The following LINGO2 variants were observed in gnomAD, a reference collection of about 807,000 sequenced individuals.
The protein encoded by LINGO2 is leucine rich repeat and Ig domain containing 2, also known as leucine-rich repeat and immunoglobulin-like domain-containing nogo receptor-interacting protein 2.
Under a neutral mutation model 30.6 loss-of-function variants are expected in LINGO2, and 14 were observed. The ratio of observed to expected loss-of-function variants is 0.46; its 90% CI spans 0.30 to 0.72. The LOEUF is 0.72. Among genes scored for constraint, LINGO2 ranks in the 30% least tolerant of loss-of-function variants. The probability of loss-of-function intolerance (pLI) is 0.07; values close to 1 mark genes in which losing one functional copy is unlikely to be tolerated. For synonymous variants in LINGO2, 317 were observed against 288.5 expected, an observed-to-expected ratio of 1.10 and a Z score of -1.00; for missense variants, 729 against 751.7, an observed-to-expected ratio of 0.97 and a Z score of 0.35.
intron 1 of LINGO2, among the ~76,000 whole-genome samples, chr9:28,481,097 C>T (rs907312279): frequency 9.2e-5 from 2 of 21,742 alleles, no homozygotes; most frequent in African/African-American, 2.3e-4. Flanking sequence ...GCATGGAGCC[C>T]CATTTCTAAC....
chr9:28,743,856 T>C, the LINGO2 span, among the ~76,000 whole-genome samples: 2 of 151,832 alleles, frequency 1.3e-5, no homozygotes, highest in Non-Finnish European at 2.9e-5. Context: ...AATAAGATTT[T>C]TCATCAAATT....
intron 1 of LINGO2, among the ~76,000 whole-genome samples, chr9:28,527,895 G>T (rs547903697): frequency 6.6e-6 from 1 of 152,136 alleles, no homozygotes; most frequent in Non-Finnish European, 1.5e-5. Context: ...ACAAACAAAA[G>T]ATCTTATATA....
the LINGO2 span, among the ~76,000 whole-genome samples, chr9:29,162,776 C>A: frequency 6.6e-6 from 1 of 152,004 alleles, no homozygotes; most frequent in African/African-American, 2.4e-5. Context: ...CAAATCAAAT[C>A]AAAATGTAGA....
chr9:28,144,034 T>C (rs973328760), intron 4 of LINGO2, among the ~76,000 whole-genome samples: 1 of 152,088 alleles, frequency 6.6e-6, no homozygotes, highest in African/African-American at 2.4e-5. Flanking sequence ...ATATATTGAA[T>C]GGTAGATATT....
the LINGO2 span, among the ~76,000 whole-genome samples, chr9:29,198,735 C>CTA: frequency 6.6e-6 from 1 of 152,002 alleles, no homozygotes; most frequent in Non-Finnish European, 1.5e-5. Flanking sequence ...TTCCTGAAGA[C>CTA]TAAAGAGGGC....
At chr9:29,188,967 C>A in the LINGO2 span, among the ~76,000 whole-genome samples, 2 of 149,180 alleles carry the variant, frequency 1.3e-5, no homozygotes, top group East Asian at 4.1e-4. Flanking sequence ...GGGCTGACCC[C>A]CCCACCTCCC....
At chr9:28,411,531 T>C (rs915061190) in intron 2 of LINGO2, among the ~76,000 whole-genome samples, 4 of 152,232 alleles carry the variant, frequency 2.6e-5, no homozygotes, top group African/African-American at 2.4e-5. Flanking sequence ...CCAACCACCA[T>C]TCTGCTCTCT....
intron 2 of LINGO2, among the ~76,000 whole-genome samples, chr9:28,439,216 T>C (rs1824088462): frequency 6.6e-6 from 1 of 150,528 alleles, no homozygotes; most frequent in African/African-American, 2.4e-5. Context: ...TATTATGAAA[T>C]AGAGATAATA....
chr9:27,985,577 A>ACCACAGTAGG (rs1821086060), intron 5 of LINGO2, among the ~76,000 whole-genome samples: 1 of 134,302 alleles, frequency 7.4e-6, no homozygotes, highest in African/African-American at 3.3e-5. Context: ...TTTGACATTA[A>ACCACAGTAGG]TTAGCAAAAC....
the LINGO2 span, among the ~76,000 whole-genome samples, chr9:29,078,895 T>A: frequency 6.6e-6 from 1 of 151,876 alleles, no homozygotes; most frequent in South Asian, 2.1e-4. Flanking sequence ...GAATTTTTTT[T>A]AACAATTATT....
chr9:28,248,764 TA>T (rs1822093748), intron 4 of LINGO2, among the ~76,000 whole-genome samples: 1 of 152,096 alleles, frequency 6.6e-6, no homozygotes, highest in Admixed American at 6.6e-5. Flanking sequence ...CCAGAAAAAA[TA>T]AAATTGTTTT....
the LINGO2 span, among the ~76,000 whole-genome samples, chr9:28,880,503 C>A: frequency 6.6e-6 from 1 of 152,168 alleles, no homozygotes; most frequent in Non-Finnish European, 1.5e-5. Context: ...AAACCAGGGG[C>A]ACAATGCACT....
intron 3 of LINGO2, among the ~76,000 whole-genome samples, chr9:28,336,012 A>T (rs905562334): frequency 3.9e-5 from 6 of 152,054 alleles, no homozygotes; most frequent in African/African-American, 1.4e-4. Context: ...AAACAACCTG[A>T]CAGATTTCCA....
exon 6 of LINGO2, chr9:27,948,932 C>T: frequency 6.2e-7 from 1 of 1,614,110 alleles, no homozygotes; most frequent in Non-Finnish European, 8.5e-7. Context: ...TGGGCACATA[C>T]TCAAGGTCAA....
intron 5 of LINGO2, among the ~76,000 whole-genome samples, chr9:27,954,606 T>TA (rs1486530520): frequency 6.6e-6 from 1 of 152,196 alleles, no homozygotes; most frequent in Non-Finnish European, 1.5e-5. Context: ...GATGGACACT[T>TA]AGATTGATTC....
chr9:28,980,750 T>C, the LINGO2 span, among the ~76,000 whole-genome samples: 4 of 152,254 alleles, frequency 2.6e-5, no homozygotes, highest in African/African-American at 7.2e-5. Context: ...CTCCTTATCC[T>C]TCTTCTCTGC....
the LINGO2 span, among the ~76,000 whole-genome samples, chr9:28,890,322 C>A: frequency 6.6e-6 from 1 of 152,016 alleles, no homozygotes; most frequent in African/African-American, 2.4e-5. Context: ...AGGACTGAGA[C>A]CATATCTCCA....
At chr9:28,410,391 G>A (rs1489697922) in intron 2 of LINGO2, among the ~76,000 whole-genome samples, 1 of 152,118 alleles carries the variant, frequency 6.6e-6, no homozygotes, top group East Asian at 1.9e-4. Flanking sequence ...AAAATAAAAA[G>A]TCTAAGAGTC....
the LINGO2 span, among the ~76,000 whole-genome samples, chr9:28,694,760 T>C: frequency 2.0e-4 from 31 of 151,956 alleles, no homozygotes; most frequent in Non-Finnish European, 5.9e-5. Flanking sequence ...ACTGAATTAA[T>C]TGTGTGGGGG....
Sources: allele counts gnomAD v4.1 joint callset (sites outside exome capture counted in the v4.1 genomes callset), GRCh38; gene constraint gnomAD v4.1.1; transcripts MANE v1.5; gene names NCBI Gene and HGNC (gene_info 2026-07-23, HGNC 2026-07-21).